The following STRN3 variants were observed in gnomAD, a reference collection of about 807,000 sequenced individuals.
The protein encoded by STRN3 is striatin-3.
STRN3 carries 29 observed loss-of-function variants against 95.6 expected under a neutral mutation model. The observed-to-expected ratio is 0.30, with a 90% CI of 0.23 to 0.41. The LOEUF is 0.41. Ranked by LOEUF, STRN3 falls within the 10% of genes least tolerant of loss-of-function variation. The pLI, the probability that STRN3 is intolerant of heterozygous loss-of-function variation, is 1.00. For synonymous variants in STRN3, 331 were observed against 357.6 expected (o/e 0.93, Z 0.84); for missense variants, 890 against 972.1 (o/e 0.92, Z 1.12).
intron 16 of STRN3, among the ~76,000 whole-genome samples, chr14:30,900,764 G>GTT (rs761049253): frequency 2.1e-5 from 3 of 145,004 alleles, no homozygotes; most frequent in Non-Finnish European, 3.1e-5. Context: ...AAAAAAAAAG[G>GTT]ATTTTTTTTT....
intron 5 of STRN3, among the ~76,000 whole-genome samples, chr14:30,945,381 GC>G (rs56929854): frequency 0.16 from 23,641 of 152,120 alleles, 2,062 homozygotes; most frequent in South Asian, 0.33. Flanking sequence ...ACTTTGGAAG[GC>G]CAATGAGGGC....
At chr14:30,917,326 A>T (rs1896765566) in intron 9 of STRN3, among the ~76,000 whole-genome samples, 1 of 152,144 alleles carries the variant, frequency 6.6e-6, no homozygotes, top group Admixed American at 6.6e-5. Context: ...ACACACATAG[A>T]GAGTTCTAAG....
In STRN3 at chr14:31,025,908, A is replaced by G; in HGVS notation, c.278T>C (p.Leu93Pro). ...RAHWEVERAE[L>P]QARIAFLQGE... The stretch of plus-strand genomic sequence containing the variant: ...ACACCGACCCCAACGAGGTACCTGC[A>G]GTTCGGCCCGTTCCACCTCCCAGTG... The change falls in exon 1 of 18, where the codon CTG becomes CCG. Residue 93 changes from leucine (L) to proline (P), a missense_variant. Physicochemically the swap from Leu to Pro is moderately conservative, Grantham distance 98. Coordinates refer to ENST00000357479, the MANE Select transcript of STRN3 (RefSeq NM_001083893.2). 1 of 1,600,836 alleles carries G rather than the reference A, an allele frequency of 6.2e-7. No individual in the cohort carries two copies. The highest frequency in any genetic ancestry group is 8.5e-7 in the Non-Finnish European group (1 of 1,174,198).
intron 8 of STRN3, among the ~76,000 whole-genome samples, chr14:30,928,158 T>A (rs1349308225): frequency 6.6e-6 from 1 of 152,138 alleles, no homozygotes; most frequent in Non-Finnish European, 1.5e-5. Context: ...AAAGCTATCA[T>A]AAAGTTAGAA....
At chr14:30,968,911 A>C (rs1334215737) in intron 1 of STRN3, among the ~76,000 whole-genome samples, 1 of 152,220 alleles carries the variant, frequency 6.6e-6, no homozygotes, top group East Asian at 1.9e-4. Context: ...ATAAGGAGGC[A>C]TAAGAATCTG....
At chr14:30,966,331 T>C (rs1880505961) in intron 1 of STRN3, among the ~76,000 whole-genome samples, 2 of 152,188 alleles carry the variant, frequency 1.3e-5, no homozygotes, top group Admixed American at 1.3e-4. Flanking sequence ...TTGCTGAGAA[T>C]TAAAAAGAAA....
chr14:30,912,262 G>A, intron 10 of STRN3, 80 bp from the exon 11 acceptor site: 2 of 1,412,016 alleles, frequency 1.4e-6, no homozygotes, highest in Non-Finnish European at 1.9e-6. Flanking sequence ...TTTCTTTTTG[G>A]TGTGTTTAAC....
chr14:30,974,596 T>C (rs1027718105), intron 1 of STRN3, among the ~76,000 whole-genome samples: 3 of 82,120 alleles, frequency 3.7e-5, no homozygotes, highest in South Asian at 6.9e-4. Context: ...GAACCCCAAA[T>C]AGCATAACTA....
At position 30,894,448 on chromosome 14, in the gene STRN3, T is replaced by C. The variant is rs369305226; in HGVS notation, c.*963A>G. 5 of 152,676 alleles carry C rather than the reference T, an allele frequency of 3.3e-5. No homozygotes were observed. Among genetic ancestry groups the C allele is most frequent in the African/African-American group, 1.2e-4 (5 of 41,468 alleles). 9.5% of individuals were successfully genotyped at this position (152,676 alleles called of 1,614,324 possible). On this transcript the variant is annotated 3_prime_UTR_variant, in exon 18 of 18. Coordinates refer to ENST00000357479, the MANE Select transcript of STRN3 (RefSeq NM_001083893.2). Reference sequence around the variant, plus strand: ...GACCAACAAAAAGTGAAATAAATAATAGGCCATTAGCAAGATGGATAATCC... The same window carrying C: ...GACCAACAAAAAGTGAAATAAATAACAGGCCATTAGCAAGATGGATAATCC...
rs1881452025 is a variant in STRN3 at position 30,982,330 on chromosome 14, C to CAA, written c.283-26089_283-26088insTT. On this transcript the variant is annotated intron_variant, in intron 1 of 17. Coordinates refer to ENST00000357479, the MANE Select transcript of STRN3 (RefSeq NM_001083893.2). ...TACTCAATTTTTATTTATTTTTAGA[C>CAA]AGAGTCTCACTCTGTTGCCTAAGCT... 5.3e-5 allele frequency among the ~76,000 whole-genome samples: 8 copies of CAA among 152,176 alleles called. No individual in the cohort carries two copies. The South Asian group carries it at 1.7e-3, about 32-fold the overall frequency.
chr14:30,962,985 TTA>T (rs1880286688), intron 1 of STRN3, among the ~76,000 whole-genome samples: 1 of 152,206 alleles, frequency 6.6e-6, no homozygotes, highest in South Asian at 2.1e-4. Flanking sequence ...GCAGGCTATA[TTA>T]TCTAGTTTGT....
chr14:30,920,494 C>CT (rs1006537660), intron 8 of STRN3, among the ~76,000 whole-genome samples: 1 of 152,140 alleles, frequency 6.6e-6, no homozygotes, highest in Non-Finnish European at 1.5e-5. Flanking sequence ...AACCTTGCCA[C>CT]TTAAATGACT....
chr14:30,902,013 CA>C (rs886734317), intron 16 of STRN3, among the ~76,000 whole-genome samples: 1 of 150,194 alleles, frequency 6.7e-6, no homozygotes. Flanking sequence ...ACTAAAAATA[CA>C]AAAAAAATTA....
chr14:30,902,805 A>T (rs1053488353), intron 15 of STRN3, among the ~76,000 whole-genome samples, 162 bp from the exon 16 acceptor site: 29 of 152,194 alleles, frequency 1.9e-4, no homozygotes, highest in Non-Finnish European at 2.6e-4. Flanking sequence ...AGAGATTTTT[A>T]AAAAATAAAC....
chr14:30,916,436 A>G (rs1039683120), intron 9 of STRN3, among the ~76,000 whole-genome samples: 4 of 151,792 alleles, frequency 2.6e-5, no homozygotes, highest in African/African-American at 9.7e-5. Flanking sequence ...CACCACGCCC[A>G]GCTAATTTTT....
intron 1 of STRN3, among the ~76,000 whole-genome samples, chr14:31,004,481 T>A (rs1026745387): frequency 6.6e-6 from 1 of 151,638 alleles, no homozygotes; most frequent in Non-Finnish European, 1.5e-5. Flanking sequence ...ACATAAGAAT[T>A]TAAAAAAAGA....
chr14:30,987,979 G>A (rs1191427962), intron 1 of STRN3, among the ~76,000 whole-genome samples: 4 of 152,008 alleles, frequency 2.6e-5, no homozygotes, highest in Non-Finnish European at 4.4e-5. Flanking sequence ...CTTGTGAATC[G>A]CCCGCCTAGG....
Position 30,894,801 on chromosome 14 carries a change from C to A in STRN3, c.*610G>T. 1 of 311,690 alleles carries A rather than the reference C, an allele frequency of 3.2e-6. No individual in the cohort carries two copies. The highest frequency in any genetic ancestry group is 5.5e-6 in the Non-Finnish European group (1 of 180,544). The allele number at this position is 311,690 out of a possible 1,614,324, so 19.3% of individuals were successfully genotyped here. A position where few individuals can be genotyped will look rare whatever the true frequency, so the allele number is the denominator to read the frequency against. ...CAATCTTGAGCACTGTTGTGACAGG[C>A]TAAATATATAAAAAGACTTATAAAA... On this transcript the variant is annotated 3_prime_UTR_variant, in exon 18 of 18. Transcript: ENST00000357479.
intron 1 of STRN3, among the ~76,000 whole-genome samples, chr14:31,005,552 T>C (rs1447124781): frequency 2.0e-5 from 3 of 152,348 alleles, no homozygotes; most frequent in Middle Eastern, 3.4e-3. Flanking sequence ...ATTTTTCCTT[T>C]GGCATAGTGA....
Sources: allele counts gnomAD v4.1 joint callset (sites outside exome capture counted in the v4.1 genomes callset), GRCh38; gene constraint gnomAD v4.1.1; transcripts MANE v1.5; gene names NCBI Gene and HGNC (gene_info 2026-07-23, HGNC 2026-07-21).